SSUH2: variants seen among roughly 807,000 people sequenced by gnomAD.
SSUH2 encodes the protein ssu-2 homolog.
In SSUH2, 47 loss-of-function variants were observed where a neutral mutation model predicts 55.3. The observed-to-expected ratio is 0.85, with a 90% CI of 0.67 to 1.08. SSUH2 has a LOEUF of 1.08. Ranked by LOEUF, SSUH2 falls within the 50% of genes least tolerant of loss-of-function variation. SSUH2 has a pLI of 0.00. For synonymous variants in SSUH2, 212 were observed against 191.5 expected, an observed-to-expected ratio of 1.11 and a Z score of -0.89; for missense variants, 535 against 490.7, an observed-to-expected ratio of 1.09 and a Z score of -0.85.
chr3:8,643,339 G>C (rs1701176944), intron 1 of SSUH2, among the ~76,000 whole-genome samples: 1 of 152,176 alleles, frequency 6.6e-6, no homozygotes, highest in African/African-American at 2.4e-5. Context: ...GTCCAGATCT[G>C]ACCTAGTCCA....
At chr3:8,622,240 A>T (rs1696596324) in intron 11 of SSUH2, among the ~76,000 whole-genome samples, 1 of 152,190 alleles carries the variant, frequency 6.6e-6, no homozygotes. Flanking sequence ...TAGAAAAAAG[A>T]TTCAGAGAAG....
In SSUH2 at chr3:8,680,761, C is replaced by T. The variant is rs189620528; in HGVS notation, c.-1045-912G>A. Among the ~76,000 whole-genome samples, 58 of 152,040 alleles carry T rather than the reference C, an allele frequency of 3.8e-4. 1 individual carries two copies. Among genetic ancestry groups the T allele is most frequent in the Non-Finnish European group, 6.3e-4 (43 of 67,976 alleles). On this transcript the variant is annotated intron_variant, in intron 1 of 18. Transcript: ENST00000317371. ...CTCACACAGGGGTGTATACTTACTGCGATATTTGGAGTAATATCAACCTCT... is the reference window on the plus strand; with the variant it reads ...CTCACACAGGGGTGTATACTTACTGTGATATTTGGAGTAATATCAACCTCT...
chr3:8,623,658 T>C lies in SSUH2; in HGVS notation c.874-2A>G, dbSNP rs1307504771. The C allele has an allele frequency of 4.7e-6, 7 of 1,487,588 alleles. No homozygotes were observed. In the Admixed American group the frequency reaches 1.0e-4, roughly 22 times the overall value. 92.1% of individuals were successfully genotyped at this position (1,487,588 alleles called of 1,614,324 possible). On this transcript the variant is annotated splice_acceptor_variant, in intron 10 of 11. Coordinates refer to ENST00000544814, the MANE Select transcript of SSUH2 (RefSeq NM_001256748.3). LOFTEE classifies it high-confidence loss of function. ...AGGGAAGTCCACGATGGGGTACACC[T>C]GGGGGAAAGAGAGAGAGACACAGAC...
chr3:8,619,862 G>A lies in SSUH2; in HGVS notation c.*6C>T. 1.2e-6 allele frequency: 2 copies of A among 1,613,144 alleles called. No individual in the cohort carries two copies. The highest frequency in any genetic ancestry group is 1.7e-6 in the Non-Finnish European group (2 of 1,179,632). The stretch of plus-strand genomic sequence containing the variant: ...AATGGCAGGCTCTGGGGACAGCCAT[G>A]CTATGTCACACGATGGTACAGCCAC... On this transcript the variant is annotated 3_prime_UTR_variant, in exon 12 of 12. Coordinates refer to ENST00000544814, the MANE Select transcript of SSUH2 (RefSeq NM_001256748.3).
chr3:8,676,165 A>C (rs1705234145), intron 3 of SSUH2, among the ~76,000 whole-genome samples: 2 of 151,700 alleles, frequency 1.3e-5, no homozygotes, highest in African/African-American at 2.4e-5. Flanking sequence ...GAGTAATATC[A>C]TCTCCCCCTC....
Position 8,623,775 on chromosome 3 carries a change from C to G in SSUH2, c.874-119G>C, listed in dbSNP as rs1696951176. On this transcript the variant is annotated intron_variant, in intron 10 of 11. Transcript: ENST00000544814. ...ACAGAGAAGGGGGCTGAGAGAGGGA[C>G]CCACGGTGTGGTCTCAGGAATTTCA... is the stretch of plus-strand genomic sequence containing the variant. The G allele has an allele frequency of 5.1e-6, 3 of 591,752 alleles. No individual in the cohort carries two copies. The African/African-American group carries it at 5.7e-5, about 11-fold the overall frequency. 36.7% of individuals were successfully genotyped at this position (591,752 alleles called of 1,614,324 possible).
At chr3:8,663,288 C>G (rs1250373531) in intron 6 of SSUH2, among the ~76,000 whole-genome samples, 4 of 152,262 alleles carry the variant, frequency 2.6e-5, no homozygotes, top group African/African-American at 9.6e-5. Context: ...AAAGCCCAGG[C>G]TCTACCACAC....
In SSUH2 at chr3:8,619,527, G is replaced by C. The variant is rs964914017; in HGVS notation, c.*341C>G. On this transcript the variant is annotated 3_prime_UTR_variant, in exon 12 of 12. Coordinates refer to ENST00000544814, the MANE Select transcript of SSUH2 (RefSeq NM_001256748.3). ...ACTAGAAGAAGCACACCAGAACCAAGACCGACAAAGGGAAAAAGCAAAATC... is the reference window on the plus strand; with the variant it reads ...ACTAGAAGAAGCACACCAGAACCAACACCGACAAAGGGAAAAAGCAAAATC... 1 of 228,340 alleles carries C rather than the reference G, an allele frequency of 4.4e-6. No homozygotes were observed. Among genetic ancestry groups the C allele is most frequent in the African/African-American group, 2.3e-5 (1 of 43,800 alleles). The allele number at this position is 228,340 out of a possible 1,614,324, so 14.1% of individuals were successfully genotyped here. A position where few individuals can be genotyped will look rare whatever the true frequency, so the allele number is the denominator to read the frequency against.
rs1696065141 is a variant in SSUH2, at chr3:8,619,932, G to A, written c.1064C>T (p.Thr355Ile). The change falls in exon 12 of 12, where the codon ACT (threonine) becomes ATT (isoleucine). Residue 355 changes from threonine to isoleucine, a missense_variant. Coordinates refer to ENST00000544814, the MANE Select transcript of SSUH2 (RefSeq NM_001256748.3). ...GTCCACCGCATACACCTGGTGGTCA[G>A]TGCCATAGATGTAGTAGACATAAGT... ...GKTYVYYIYG[T>I]DHQVYAVDYP... The A allele has an allele frequency of 5.6e-6, 9 of 1,614,208 alleles. No homozygotes were observed. The highest frequency in any genetic ancestry group is 7.6e-6 in the Non-Finnish European group (9 of 1,180,022).
rs771353954 is a variant in SSUH2, at chr3:8,625,676, GCA to G, written c.768-31_768-30del. ...GAGGGAAGGAGGATGAGGGATGAAA[GCA>G]CACAGTGTGGCAGGTTAAAAGCATG... On this transcript the variant is annotated intron_variant, in intron 9 of 11. Transcript: ENST00000544814. The G allele has an allele frequency of 4.7e-6, 7 of 1,500,050 alleles. No homozygotes were observed. The East Asian group carries it at 1.6e-4, about 34-fold the overall frequency. 92.9% of individuals were successfully genotyped at this position (1,500,050 alleles called of 1,614,324 possible). A position where few individuals can be genotyped will look rare whatever the true frequency, so the allele number is the denominator to read the frequency against.
chr3:8,677,319 A>C (rs1395152082), exon 3 of SSUH2: 4 of 151,456 alleles, frequency 2.6e-5, no homozygotes, highest in African/African-American at 9.7e-5. Flanking sequence ...GCCCGGGATC[A>C]GAAAGAAAGC....
At position 8,644,735 on chromosome 3, in the gene SSUH2, A is replaced by C. The variant is rs1017609098; in HGVS notation, c.24T>G (p.Asp8Glu). 6.5e-7 allele frequency: 1 copy of C among 1,536,058 alleles called. No homozygotes were observed. Among genetic ancestry groups the C allele is most frequent in the Admixed American group, 2.0e-5 (1 of 50,994 alleles). Residue 8 changes from aspartate to glutamate, a missense_variant, in exon 1 of 12, where the codon GAT (aspartate) becomes GAG (glutamate). Asp to Glu is a conservative substitution (Grantham distance 45). Transcript: ENST00000544814. ...CATCTTTGAGGCTCTACTTACTGTC[A>C]TCTTCATTCAGATCCCTGTCCATGT... Reference protein sequence around the residue: MDRDLNEDDSVVDLSFEA... With the variant: MDRDLNEEDSVVDLSFEA...
chr3:8,680,624 TATC>T (rs1217126606), intron 1 of SSUH2, among the ~76,000 whole-genome samples: 2 of 152,038 alleles, frequency 1.3e-5, no homozygotes, highest in Non-Finnish European at 2.9e-5. Flanking sequence ...TTGAAAGTAA[TATC>T]ATCTTCTTCC....
At chr3:8,675,684 C>G (rs1478467369) in intron 3 of SSUH2, among the ~76,000 whole-genome samples, 1 of 152,174 alleles carries the variant, frequency 6.6e-6, no homozygotes, top group Non-Finnish European at 1.5e-5. Context: ...GTTTTGTAGA[C>G]TGTGGATCCC....
At chr3:8,659,552 A>T in intron 6 of SSUH2, 1 of 313,500 alleles carries the variant, frequency 3.2e-6, no homozygotes, top group Non-Finnish European at 6.2e-6. Flanking sequence ...TTTCAGAGTT[A>T]GAGAATTCCC....
At chr3:8,620,768 CAT>C (rs1314917038) in intron 11 of SSUH2, among the ~76,000 whole-genome samples, 4 of 152,192 alleles carry the variant, frequency 2.6e-5, no homozygotes, top group South Asian at 2.1e-4. Flanking sequence ...TCGGTTTAAA[CAT>C]GTGTGTATTA....
chr3:8,671,674 G>T (rs575042181), intron 4 of SSUH2, among the ~76,000 whole-genome samples: 2 of 152,032 alleles, frequency 1.3e-5, no homozygotes, highest in South Asian at 4.2e-4. Flanking sequence ...GAATAATATC[G>T]CAGGGTGTAT....
intron 1 of SSUH2, among the ~76,000 whole-genome samples, chr3:8,638,757 G>A (rs1246204161): frequency 6.6e-6 from 1 of 152,162 alleles, no homozygotes; most frequent in Non-Finnish European, 1.5e-5. Context: ...CCCTTTCTTT[G>A]TGCTCATTTA....
Position 8,627,743 on chromosome 3 carries a change from T to C in SSUH2, c.629A>G (p.Lys210Arg). 1 of 1,610,850 alleles carries C rather than the reference T, an allele frequency of 6.2e-7. No individual in the cohort carries two copies. The highest frequency in any genetic ancestry group is 1.7e-4 in the Middle Eastern group (1 of 6,046). ...GCACAGCTGACATCTCCGGGACTGCTTGGCTTTGCGCTTGGCTCCGCAGCA... is the reference window on the plus strand; with the variant it reads ...GCACAGCTGACATCTCCGGGACTGCCTGGCTTTGCGCTTGGCTCCGCAGCA... ...PSCCGAKRKA[K>R]QSRRCQLCAG... Residue 210 changes from lysine (K) to arginine (R), a missense_variant, in exon 8 of 12, where the codon AAG becomes AGG. By Grantham distance (26) the Lys-to-Arg change is conservative. Coordinates refer to ENST00000544814, the MANE Select transcript of SSUH2 (RefSeq NM_001256748.3).
Sources: allele counts gnomAD v4.1 joint callset (sites outside exome capture counted in the v4.1 genomes callset), GRCh38; gene constraint gnomAD v4.1.1; transcripts MANE v1.5; gene names NCBI Gene and HGNC (gene_info 2026-07-23, HGNC 2026-07-21).